Variants in DOCK2 observed in about 807,000 individuals in gnomAD.
DOCK2 encodes dedicator of cytokinesis 2.
A neutral mutation model predicts 248.9 loss-of-function variants in DOCK2; 87 were observed. The observed-to-expected ratio is 0.35, with a 90% confidence interval of 0.29 to 0.42. DOCK2 has a LOEUF of 0.42. Among genes scored for constraint, DOCK2 ranks in the 10% least tolerant of loss-of-function variants. The pLI is 1.00. For missense variants in DOCK2, 1,747 were observed against 2,300.2 expected (o/e 0.76, Z 4.92); for synonymous variants, 805 against 821.6 (o/e 0.98, Z 0.35).
intron 34 of DOCK2, among the ~76,000 whole-genome samples, chr5:170,028,868 A>C (rs1424983907): frequency 6.6e-6 from 1 of 152,172 alleles, no homozygotes; most frequent in African/African-American, 2.4e-5. Flanking sequence ...AGGTTCATCC[A>C]TGTTGTAGCA....
chr5:169,865,661 G>T (rs1771502385), intron 27 of DOCK2, among the ~76,000 whole-genome samples: 1 of 152,202 alleles, frequency 6.6e-6, no homozygotes, highest in Non-Finnish European at 1.5e-5. Flanking sequence ...GGTCTCAGAA[G>T]GCCCAAGGAT....
chr5:169,742,379 A>G (rs1372408168), intron 22 of DOCK2, among the ~76,000 whole-genome samples: 1 of 152,216 alleles, frequency 6.6e-6, no homozygotes, highest in Non-Finnish European at 1.5e-5. Context: ...CTAATGAGAA[A>G]TCTGAGTCTC....
At chr5:169,729,410 A>G (rs571437966) in intron 22 of DOCK2, among the ~76,000 whole-genome samples, 102 of 152,300 alleles carry the variant, frequency 6.7e-4, no homozygotes, top group Middle Eastern at 6.8e-3. Flanking sequence ...GAAGATTGAA[A>G]AGGACTTCAT....
At chr5:169,745,433 C>T (rs1242833411) in intron 22 of DOCK2, among the ~76,000 whole-genome samples, 1 of 152,170 alleles carries the variant, frequency 6.6e-6, no homozygotes, top group Admixed American at 6.5e-5. Context: ...GAGAACTTCC[C>T]ATGTGGGTTG....
chr5:169,759,630 C>A, intron 23 of DOCK2, 75 bp from the exon 24 acceptor site: 1 of 1,507,502 alleles, frequency 6.6e-7, no homozygotes, highest in Non-Finnish European at 9.2e-7. Context: ...CTGTGTCATG[C>A]TGCAAAGTAC....
At chr5:169,774,893 T>TG (rs1554099425) in intron 25 of DOCK2, among the ~76,000 whole-genome samples, 4 of 150,746 alleles carry the variant, frequency 2.7e-5, no homozygotes, top group Non-Finnish European at 4.4e-5. Context: ...ATGACTGTTT[T>TG]TTGTTGTTGT....
intron 27 of DOCK2, among the ~76,000 whole-genome samples, chr5:169,966,399 T>C (rs1310543014): frequency 6.6e-6 from 1 of 152,254 alleles, no homozygotes; most frequent in Non-Finnish European, 1.5e-5. Context: ...ATCCCTATGA[T>C]GTGCTGGTAT....
chr5:170,082,761 C>T, intron 51 of DOCK2, 35 bp from the exon 52 acceptor site: 1 of 1,613,658 alleles, frequency 6.2e-7, no homozygotes, highest in Non-Finnish European at 8.5e-7. Context: ...CTGATAATCG[C>T]ATCTTGGTTT....
Position 169,714,432 on chromosome 5 carries a change from T to C in DOCK2, c.1916T>C (p.Ile639Thr), listed in dbSNP as rs1227610021. 1.2e-6 allele frequency: 2 copies of C among 1,613,900 alleles called. No individual in the cohort carries two copies. The highest frequency in any genetic ancestry group is 1.7e-6 in the Non-Finnish European group (2 of 1,179,960). ...CAGGAGAATTTAGAAAAGTTGAAGA[T>C]TGTGGATGGAGAGGAAGTGGTGAAG... ...LLQENLEKLK[I>T]VDGEEVVKFL... The change falls in exon 19 of 52, where the codon ATT (isoleucine) becomes ACT (threonine). Residue 639 changes from isoleucine to threonine, a missense_variant. Transcript: ENST00000520908.
intron 6 of DOCK2, 147 bp from the exon 7 acceptor site, chr5:169,681,597 T>A: frequency 1.1e-6 from 1 of 932,822 alleles, no homozygotes; most frequent in Non-Finnish European, 1.6e-6. Context: ...ATGTGCTCAC[T>A]AGCAGTGTCC....
rs139723370 is a variant in DOCK2, at chr5:169,790,052, G to A, written c.2555-13006G>A. Among the ~76,000 whole-genome samples the A allele has an allele frequency of 1.8e-3, 277 of 152,254 alleles. 2 individuals carry two copies. Among genetic ancestry groups the A allele is most frequent in the African/African-American group, 6.0e-3 (250 of 41,538 alleles). ...CTCCTCTTCTTCAGAGCTGATATGG[G>A]GAAGGTAAGGGAAGAGGAGAATCAG... On this transcript the variant is annotated intron_variant, in intron 25 of 51. Transcript: ENST00000520908.
chr5:169,800,944 CTTTTTTT>C (rs60140740), intron 25 of DOCK2, among the ~76,000 whole-genome samples: 393 of 53,140 alleles, frequency 7.4e-3, no homozygotes, highest in African/African-American at 0.052. Context: ...TTCTTTCTTT[CTTTTTTT>C]TTTTTTTTTT....
chr5:169,682,606 A>T (rs1260946679), intron 7 of DOCK2, among the ~76,000 whole-genome samples: 3 of 152,200 alleles, frequency 2.0e-5, no homozygotes, highest in Non-Finnish European at 4.4e-5. Context: ...ACTTTTATTT[A>T]AAAAAATTAT....
At chr5:169,984,371 C>T (rs1480706710) in intron 28 of DOCK2, among the ~76,000 whole-genome samples, 1 of 152,198 alleles carries the variant, frequency 6.6e-6, no homozygotes, top group Non-Finnish European at 1.5e-5. Context: ...TACTCACCAT[C>T]ATCATCAACA....
At chr5:169,707,461 G>A (rs574035156) in intron 14 of DOCK2, among the ~76,000 whole-genome samples, 1 of 152,278 alleles carries the variant, frequency 6.6e-6, no homozygotes, top group East Asian at 1.9e-4. Context: ...CCCAACAGTA[G>A]TGTGTACACA....
chr5:169,786,324 T>C (rs1314499980), intron 25 of DOCK2, among the ~76,000 whole-genome samples: 1 of 152,116 alleles, frequency 6.6e-6, no homozygotes, highest in Non-Finnish European at 1.5e-5. Flanking sequence ...CCCTGAGGAA[T>C]TTGGGAAGCT....
rs118109553 is a variant in DOCK2 at position 169,715,731 on chromosome 5, G to T, written c.1942-482G>T. Among the ~76,000 whole-genome samples the T allele has an allele frequency of 2.9e-3, 439 of 151,832 alleles. 15 individuals are homozygous for T. The East Asian group carries it at 0.068, about 24-fold the overall frequency. The stretch of plus-strand genomic sequence containing the variant: ...CACCATGTGTACTCACCACCCAGAA[G>T]AGGATACAGACCACTTTTAGCATTA... On this transcript the variant is annotated intron_variant, in intron 19 of 51. Coordinates refer to ENST00000520908, the MANE Select transcript of DOCK2 (RefSeq NM_004946.3).
intron 2 of DOCK2, among the ~76,000 whole-genome samples, chr5:169,660,694 A>G (rs915553820): frequency 2.0e-5 from 3 of 152,240 alleles, no homozygotes; most frequent in Admixed American, 6.5e-5. Context: ...TGCTTTTAAT[A>G]TAAGTGAGGA....
intron 26 of DOCK2, among the ~76,000 whole-genome samples, chr5:169,820,764 A>G (rs927155351): frequency 6.6e-6 from 1 of 152,232 alleles, no homozygotes; most frequent in African/African-American, 2.4e-5. Flanking sequence ...ACAAAGCTGG[A>G]CAGAGAATGA....
Sources: allele counts gnomAD v4.1 joint callset (sites outside exome capture counted in the v4.1 genomes callset), GRCh38; gene constraint gnomAD v4.1.1; transcripts MANE v1.5; gene names NCBI Gene and HGNC (gene_info 2026-07-23, HGNC 2026-07-21).